Variants in GLT8D2 observed in about 807,000 individuals in gnomAD.
GLT8D2 encodes glycosyltransferase 8 domain-containing protein 2.
Under a neutral mutation model 44.5 loss-of-function variants are expected in GLT8D2, and 45 were observed. The observed-to-expected ratio is 1.01, with a 90% confidence interval of 0.80 to 1.30. The LOEUF is 1.30. Ranked by LOEUF, GLT8D2 falls within the 50% of genes most tolerant of loss-of-function variation. The pLI is 0.00. For synonymous variants in GLT8D2, 156 were observed against 157.2 expected, an observed-to-expected ratio of 0.99 and a Z score of 0.06; for missense variants, 400 against 430.4, an observed-to-expected ratio of 0.93 and a Z score of 0.62.
chr12:104,013,612 A>G (rs1876152826), intron 4 of GLT8D2, among the ~76,000 whole-genome samples: 1 of 152,218 alleles, frequency 6.6e-6, no homozygotes. Context: ...ATGAATTTTT[A>G]AATTACAAAA....
intron 4 of GLT8D2, among the ~76,000 whole-genome samples, chr12:104,006,120 A>G (rs2136310521): frequency 6.6e-6 from 1 of 152,076 alleles, no homozygotes; most frequent in East Asian, 1.9e-4. Flanking sequence ...ATTCTCAGCA[A>G]ACTATCGCAG....
intron 3 of GLT8D2, 75 bp downstream of exon 3, chr12:104,019,555 G>T: frequency 8.5e-7 from 1 of 1,171,342 alleles, no homozygotes; most frequent in East Asian, 2.5e-5. Flanking sequence ...AAGAAGAAAA[G>T]AGCCAAGCCC....
At chr12:104,001,759 A>G (rs911182555) in intron 5 of GLT8D2, among the ~76,000 whole-genome samples, 1 of 152,098 alleles carries the variant, frequency 6.6e-6, no homozygotes, top group Non-Finnish European at 1.5e-5. Flanking sequence ...GCTGAAGCGC[A>G]GTGGCACGAT....
chr12:104,005,153 T>C (rs1028196173), intron 4 of GLT8D2, among the ~76,000 whole-genome samples: 1 of 152,178 alleles, frequency 6.6e-6, no homozygotes, highest in African/African-American at 2.4e-5. Flanking sequence ...ATTTAATAAA[T>C]GGTGATGGGA....
intron 4 of GLT8D2, among the ~76,000 whole-genome samples, chr12:104,006,033 C>A (rs986094573): frequency 6.6e-6 from 1 of 152,142 alleles, no homozygotes; most frequent in Non-Finnish European, 1.5e-5. Context: ...CACATATACA[C>A]CATGGAACAC....
chr12:104,002,231 A>G (rs115843502), intron 5 of GLT8D2, among the ~76,000 whole-genome samples: 239 of 152,310 alleles, frequency 1.6e-3, no homozygotes, highest in African/African-American at 5.4e-3. Context: ...AGTGTTGGAA[A>G]TATAGGAGTG....
chr12:104,037,063 A>C (rs950509027), intron 1 of GLT8D2, among the ~76,000 whole-genome samples: 1 of 152,244 alleles, frequency 6.6e-6, no homozygotes, highest in Non-Finnish European at 1.5e-5. Context: ...CTGAAGGACT[A>C]CTGGGTAAAT....
intron 4 of GLT8D2, chr12:104,014,114 A>C: frequency 1.8e-6 from 1 of 543,330 alleles, no homozygotes; most frequent in Non-Finnish European, 3.3e-6. Context: ...CTGTAATCCC[A>C]GCACTTTGGG....
chr12:104,063,532 C>T (rs935239384), intron 1 of GLT8D2, among the ~76,000 whole-genome samples: 1 of 152,078 alleles, frequency 6.6e-6, no homozygotes, highest in Non-Finnish European at 1.5e-5. Flanking sequence ...AGAGCCAGAC[C>T]CTATCTAAAA....
At chr12:104,033,675 A>G (rs1379264362) in intron 1 of GLT8D2, among the ~76,000 whole-genome samples, 1 of 152,164 alleles carries the variant, frequency 6.6e-6, no homozygotes, top group African/African-American at 2.4e-5. Flanking sequence ...GCAAAAGGCA[A>G]CTACGTGAGG....
intron 1 of GLT8D2, among the ~76,000 whole-genome samples, chr12:104,045,966 A>T (rs1881107392): frequency 6.6e-6 from 1 of 151,888 alleles, no homozygotes; most frequent in Non-Finnish European, 1.5e-5. Context: ...AATAAGAAAG[A>T]AAGAAAGAAA....
intron 1 of GLT8D2, among the ~76,000 whole-genome samples, chr12:104,042,799 C>T (rs981769793): frequency 6.6e-6 from 1 of 152,140 alleles, no homozygotes; most frequent in Non-Finnish European, 1.5e-5. Context: ...ACACAAAAAT[C>T]TCATTATGTT....
chr12:104,020,378 G>T (rs1052518429), intron 2 of GLT8D2, among the ~76,000 whole-genome samples: 1 of 151,820 alleles, frequency 6.6e-6, no homozygotes, highest in African/African-American at 2.4e-5. Context: ...CCTCGATAAG[G>T]CAGATTTTAC....
chr12:104,060,093 T>C (rs1000514791), intron 1 of GLT8D2, among the ~76,000 whole-genome samples: 3 of 152,240 alleles, frequency 2.0e-5, no homozygotes, highest in African/African-American at 7.2e-5. Context: ...CGTCCTCTTC[T>C]TCCCTGACCT....
intron 1 of GLT8D2, among the ~76,000 whole-genome samples, chr12:104,021,927 GA>G (rs1566202353): frequency 0.055 from 1,442 of 26,036 alleles, 117 homozygotes; most frequent in East Asian, 0.3. Context: ...AGAAGAAGAA[GA>G]AGAAGAAGAA....
At chr12:104,051,758 T>A (rs955278629), upstream of GLT8D2, among the ~76,000 whole-genome samples, 18 of 152,138 alleles carry the variant, frequency 1.2e-4, 1 homozygote, top group Non-Finnish European at 1.2e-4. Context: ...GTTTTTTTTT[T>A]AACTAAGTCT....
chr12:104,016,715 GA>G (rs370216314), intron 3 of GLT8D2, among the ~76,000 whole-genome samples: 1 of 35,786 alleles, frequency 2.8e-5, no homozygotes, highest in Non-Finnish European at 5.8e-5. Context: ...GAGAGAGAAA[GA>G]AAGAAAGAAA....
chr12:103,999,860 AC>A (rs1201163531), intron 5 of GLT8D2, among the ~76,000 whole-genome samples: 8 of 152,226 alleles, frequency 5.3e-5, no homozygotes, highest in African/African-American at 1.9e-4. Context: ...TATCTTCGCC[AC>A]GTGGTAACAG....
chr12:104,047,670 A>G (rs1008959814), intron 1 of GLT8D2, among the ~76,000 whole-genome samples: 2 of 151,632 alleles, frequency 1.3e-5, no homozygotes, highest in Non-Finnish European at 2.9e-5. Context: ...TGACCCAACC[A>G]CCTCCCAAAA....
Sources: gnomAD v4.1 joint callset for allele counts (sites outside exome capture counted in the v4.1 genomes callset) on GRCh38, gnomAD v4.1.1 for gene constraint, MANE v1.5 for transcripts, NCBI Gene and HGNC (gene_info 2026-07-23, HGNC 2026-07-21) for gene names.